RFC3: variants seen among roughly 807,000 people sequenced by gnomAD.
The protein encoded by RFC3 is replication factor C subunit 3, also known as A1 38 kDa subunit.
A neutral mutation model predicts 45.1 loss-of-function variants in RFC3; 41 were observed. The observed-to-expected ratio is 0.91, with a 90% CI of 0.71 to 1.18. The LOEUF (loss-of-function observed/expected upper bound fraction) is 1.18. Among genes scored for constraint, RFC3 ranks in the 50% most tolerant of loss-of-function variants. The pLI is 0.00. For synonymous variants in RFC3, 149 were observed against 144.0 expected, an observed-to-expected ratio of 1.03 and a Z score of -0.25; for missense variants, 423 against 428.1, an observed-to-expected ratio of 0.99 and a Z score of 0.10.
chr13:33,847,627 A>G (rs544528102), intron 8 of RFC3: 1 of 151,170 alleles, frequency 6.6e-6, no homozygotes, highest in East Asian at 1.9e-4. Context: ...CTCATCTTGC[A>G]CCCTCTCTTT....
chr13:33,835,523 G>A, intron 8 of RFC3: 1 of 540,662 alleles, frequency 1.8e-6, no homozygotes, highest in East Asian at 4.5e-5. Flanking sequence ...GATAATGGAG[G>A]GTGGGGCTAC....
chr13:33,878,843 C>T (rs1002119000), intron 8 of RFC3, among the ~76,000 whole-genome samples: 4 of 151,990 alleles, frequency 2.6e-5, no homozygotes, highest in Non-Finnish European at 5.9e-5. Flanking sequence ...CATTTTTGGC[C>T]TTTCCTACTT....
At chr13:33,903,798 C>G (rs568711472) in intron 8 of RFC3, among the ~76,000 whole-genome samples, 1 of 152,186 alleles carries the variant, frequency 6.6e-6, no homozygotes, top group African/African-American at 2.4e-5. Flanking sequence ...TGTTTGGCCC[C>G]TGTGCTCTCT....
Position 33,837,405 on chromosome 13 carries a change from T to C in RFC3, c.*1110T>C, listed in dbSNP as rs2082165372. The stretch of plus-strand genomic sequence containing the variant: ...ACTAGTTAATGTTTATTGTTCAATA[T>C]TTTTGTATATACTTTTAAAGCCTAT... On this transcript the variant is annotated 3_prime_UTR_variant, in exon 9 of 9. Coordinates refer to ENST00000380071, the MANE Select transcript of RFC3 (RefSeq NM_002915.4). The C allele has an allele frequency of 6.6e-6, 1 of 152,172 alleles. No individual in the cohort carries two copies. The highest frequency in any genetic ancestry group is 1.5e-5 in the Non-Finnish European group (1 of 68,006). The allele number at this position is 152,172 out of a possible 1,614,324, so 9.4% of individuals were successfully genotyped here. A position where few individuals can be genotyped will look rare whatever the true frequency, so the allele number is the denominator to read the frequency against.
the RFC3 span, among the ~76,000 whole-genome samples, chr13:33,973,690 G>T: frequency 2.2e-5 from 3 of 135,720 alleles, no homozygotes; most frequent in Non-Finnish European, 4.6e-5. Flanking sequence ...TCACTCTGTT[G>T]CCCAGGCTGG....
chr13:33,917,674 A>G (rs189888770), intron 8 of RFC3, among the ~76,000 whole-genome samples: 2 of 152,174 alleles, frequency 1.3e-5, no homozygotes, highest in East Asian at 1.9e-4. Flanking sequence ...TGACCTTTTC[A>G]TGACTGTAAA....
chr13:33,874,955 A>G (rs929580592), intron 8 of RFC3, among the ~76,000 whole-genome samples: 2 of 152,228 alleles, frequency 1.3e-5, no homozygotes, highest in Non-Finnish European at 2.9e-5. Context: ...AATGTTATCC[A>G]GTGCATGGAG....
chr13:33,887,862 C>T (rs1215081307), intron 8 of RFC3, among the ~76,000 whole-genome samples: 2 of 151,962 alleles, frequency 1.3e-5, no homozygotes, highest in African/African-American at 2.4e-5. Context: ...GCCAGTTTTC[C>T]CAGCACCATT....
intron 8 of RFC3, among the ~76,000 whole-genome samples, chr13:33,903,386 C>G (rs1277659730): frequency 6.6e-6 from 1 of 152,076 alleles, no homozygotes; most frequent in Non-Finnish European, 1.5e-5. Context: ...AAAAAAATCT[C>G]AGAAGCATAG....
chr13:33,843,985 T>G (rs892022111), intron 8 of RFC3, among the ~76,000 whole-genome samples: 3 of 152,242 alleles, frequency 2.0e-5, no homozygotes, highest in Admixed American at 2.0e-4. Context: ...GCTGCCCATC[T>G]TCCTTGTTAA....
intron 8 of RFC3, chr13:33,849,423 C>G: frequency 6.6e-6 from 1 of 152,168 alleles, no homozygotes; most frequent in South Asian, 2.1e-4. Flanking sequence ...TGCAGTTTTT[C>G]TGGTGTAAAC....
intron 8 of RFC3, among the ~76,000 whole-genome samples, chr13:33,954,911 A>C (rs2083012737): frequency 1.3e-5 from 2 of 152,212 alleles, no homozygotes; most frequent in Non-Finnish European, 2.9e-5. Flanking sequence ...CCCATTGCTT[A>C]CTGTTGCCTC....
intron 8 of RFC3, among the ~76,000 whole-genome samples, chr13:33,950,780 C>G (rs10220208): frequency 0.015 from 2,272 of 152,244 alleles, 66 homozygotes; most frequent in African/African-American, 0.053. Context: ...CTCTCTCTCT[C>G]TCTTTGAACC....
intron 8 of RFC3, among the ~76,000 whole-genome samples, chr13:33,946,475 A>T (rs747466281): frequency 5.9e-5 from 9 of 152,202 alleles, no homozygotes; most frequent in Non-Finnish European, 1.3e-4. Flanking sequence ...TCCATATTAT[A>T]AATTAAAAAT....
chr13:33,943,053 T>G (rs2082934525), intron 8 of RFC3, among the ~76,000 whole-genome samples: 1 of 152,184 alleles, frequency 6.6e-6, no homozygotes, highest in Admixed American at 6.6e-5. Context: ...TGTGGTTGTT[T>G]CCATAATTTT....
intron 8 of RFC3, among the ~76,000 whole-genome samples, chr13:33,900,406 T>G (rs886504133): frequency 1.3e-5 from 2 of 151,626 alleles, no homozygotes; most frequent in African/African-American, 2.4e-5. Flanking sequence ...TTTGACAAAG[T>G]TTCCAAGAAT....
In RFC3 at chr13:33,905,379, T is replaced by C. The variant is rs115015033; in HGVS notation, c.880-60708T>C. Among the ~76,000 whole-genome samples the C allele has an allele frequency of 7.9e-3, 1,202 of 152,264 alleles. 15 individuals are homozygous for C. The highest frequency in any genetic ancestry group is 0.027 in the African/African-American group (1,140 of 41,582). On this transcript the variant is annotated intron_variant, in intron 8 of 8. Transcript: ENST00000434425. Reference sequence around the variant, plus strand: ...GGTGACAATTGTGCTGTAGTTGTCTTTACCTTAAAAACATCATCGCTGATT... The same window carrying C: ...GGTGACAATTGTGCTGTAGTTGTCTCTACCTTAAAAACATCATCGCTGATT...
chr13:33,918,587 A>T (rs1470025712), intron 8 of RFC3, among the ~76,000 whole-genome samples: 2 of 152,182 alleles, frequency 1.3e-5, no homozygotes, highest in African/African-American at 4.8e-5. Context: ...CCCTGCCCAT[A>T]GGAAAAAACT....
At chr13:33,924,526 A>T (rs1396465528) in intron 8 of RFC3, among the ~76,000 whole-genome samples, 2 of 151,836 alleles carry the variant, frequency 1.3e-5, no homozygotes, top group Non-Finnish European at 2.9e-5. Flanking sequence ...GCAAGGCCTG[A>T]AACATTTACT....
Sources: gnomAD v4.1 joint callset for allele counts (sites outside exome capture counted in the v4.1 genomes callset) on GRCh38, gnomAD v4.1.1 for gene constraint, MANE v1.5 for transcripts, NCBI Gene and HGNC (gene_info 2026-07-23, HGNC 2026-07-21) for gene names.